GOLGA1: variants seen among roughly 807,000 people sequenced by gnomAD.
GOLGA1 encodes golgin subfamily A member 1.
A neutral mutation model predicts 119.7 loss-of-function variants in GOLGA1; 63 were observed. The ratio of observed to expected loss-of-function variants is 0.53; its 90% CI spans 0.43 to 0.65. The LOEUF (loss-of-function observed/expected upper bound fraction) is 0.65. GOLGA1 is among the 30% of genes least tolerant of loss of function. The probability of loss-of-function intolerance (pLI) is 0.00; values close to 1 mark genes in which losing one functional copy is unlikely to be tolerated. For missense variants in GOLGA1, 798 were observed against 912.8 expected (o/e 0.87, Z 1.62); for synonymous variants, 318 against 333.4 (o/e 0.95, Z 0.50).
At chr9:124,910,919 CTG>C (rs1285842962) in intron 11 of GOLGA1, among the ~76,000 whole-genome samples, 1 of 152,214 alleles carries the variant, frequency 6.6e-6, no homozygotes, top group Non-Finnish European at 1.5e-5. Flanking sequence ...TGTGGAAAAA[CTG>C]TCTTCCACGA....
At position 124,879,159 on chromosome 9, in the gene GOLGA1, T is replaced by C. The variant is rs1829514820; in HGVS notation, c.*1371A>G. ...TTTGGCCCTAAGCATGATTGAGAAA[T>C]ACAACTTTCCATCACTGGATAATGG... On this transcript the variant is annotated 3_prime_UTR_variant, in exon 23 of 23. Transcript: ENST00000373555. The C allele has an allele frequency of 6.6e-6, 1 of 152,242 alleles. No homozygotes were observed. The highest frequency in any genetic ancestry group is 1.5e-5 in the Non-Finnish European group (1 of 68,046). 9.4% of individuals were successfully genotyped at this position (152,242 alleles called of 1,614,324 possible).
intron 15 of GOLGA1, among the ~76,000 whole-genome samples, chr9:124,894,587 C>G (rs995822156): frequency 6.6e-6 from 1 of 152,170 alleles, no homozygotes; most frequent in Admixed American, 6.5e-5. Flanking sequence ...AGCCTACAGA[C>G]TACTAGATAT....
At chr9:124,914,374 G>A (rs1275270338) in intron 10 of GOLGA1, among the ~76,000 whole-genome samples, 12 of 152,136 alleles carry the variant, frequency 7.9e-5, no homozygotes, top group African/African-American at 2.4e-4. Context: ...GGTGGCAGGC[G>A]CCTGTAGTCC....
At chr9:124,935,805 G>T (rs1830854353) in intron 3 of GOLGA1, among the ~76,000 whole-genome samples, 2 of 151,378 alleles carry the variant, frequency 1.3e-5, no homozygotes, top group Admixed American at 6.6e-5. Flanking sequence ...GCCATAATAC[G>T]TGTTGACTGA....
rs1399900352 is a variant in GOLGA1 at position 124,921,165 on chromosome 9, T to G, written c.807A>C (p.Gln269His). The G allele has an allele frequency of 6.2e-7, 1 of 1,612,274 alleles. No individual in the cohort carries two copies. The highest frequency in any genetic ancestry group is 2.2e-5 in the East Asian group (1 of 44,884). Residue 269 changes from glutamine (Q) to histidine (H), a missense_variant, in exon 10 of 23, where the codon CAA becomes CAC. Physicochemically the swap from Gln to His is conservative, Grantham distance 24 (BLOSUM62 0). Coordinates refer to ENST00000373555, the MANE Select transcript of GOLGA1 (RefSeq NM_002077.4). ...TALEQKEQEL[Q>H]ALIQQLSIDL... ...CAATGGAAAGCTGCTGAATGAGTGCTTGGAGCTCTTGTTCCTTTTGTTCCA... is the reference window on the plus strand; with the variant it reads ...CAATGGAAAGCTGCTGAATGAGTGCGTGGAGCTCTTGTTCCTTTTGTTCCA...
intron 3 of GOLGA1, among the ~76,000 whole-genome samples, chr9:124,936,366 C>T (rs1031544786): frequency 1.3e-5 from 2 of 152,166 alleles, no homozygotes; most frequent in East Asian, 3.9e-4. Context: ...CATCTGACAA[C>T]GGAAACAATT....
intron 19 of GOLGA1, among the ~76,000 whole-genome samples, chr9:124,885,694 T>C (rs1829706119): frequency 6.6e-6 from 1 of 151,886 alleles, no homozygotes; most frequent in Non-Finnish European, 1.5e-5. Flanking sequence ...TGGAGGGTAC[T>C]TGATGGGAGT....
chr9:124,889,491 G>A lies in GOLGA1; in HGVS notation c.1543C>T (p.Arg515Trp), dbSNP rs182309185. The change falls in exon 17 of 23, where the codon CGG becomes TGG. Residue 515 changes from arginine (R) to tryptophan (W), a missense_variant. Coordinates refer to ENST00000373555, the MANE Select transcript of GOLGA1 (RefSeq NM_002077.4). ...TGGAGAAGCACTTCGGTTTTTTCCC[G>A]CAGATTCTGTTCCTTCTCGTCTATT... Reference protein sequence around the residue: ...AIIDEKEQNLREKTEVLLQKE... With the variant: ...AIIDEKEQNLWEKTEVLLQKE... The A allele has an allele frequency of 5.5e-5, 89 of 1,613,724 alleles. No homozygotes were observed. Among genetic ancestry groups the A allele is most frequent in the Middle Eastern group, 5.0e-4 (3 of 6,058 alleles).
chr9:124,947,105 T>C (rs910446897), intron 1 of GOLGA1: 4 of 152,206 alleles, frequency 2.6e-5, no homozygotes, highest in Admixed American at 2.6e-4. Flanking sequence ...AAATTCAGTA[T>C]GAGGCATAAA....
At chr9:124,897,164 G>A (rs1245663223) in intron 15 of GOLGA1, among the ~76,000 whole-genome samples, 1 of 152,048 alleles carries the variant, frequency 6.6e-6, no homozygotes, top group South Asian at 2.1e-4. Context: ...CAGCATCAAA[G>A]CCTTCCCTAA....
intron 20 of GOLGA1, 46 bp downstream of exon 20, chr9:124,882,464 A>AG: frequency 1.4e-6 from 2 of 1,416,044 alleles, no homozygotes; most frequent in Non-Finnish European, 2.0e-6. Flanking sequence ...CACAGGCAGC[A>AG]GGGGGAGTGC....
intron 15 of GOLGA1, among the ~76,000 whole-genome samples, chr9:124,894,861 C>A (rs1306241645): frequency 6.6e-6 from 1 of 152,124 alleles, no homozygotes; most frequent in African/African-American, 2.4e-5. Flanking sequence ...GCAAATACAA[C>A]AAAGAACTTC....
intron 10 of GOLGA1, among the ~76,000 whole-genome samples, chr9:124,917,584 T>A (rs1588084701): frequency 6.6e-6 from 1 of 152,200 alleles, no homozygotes; most frequent in Admixed American, 6.5e-5. Flanking sequence ...CATCTTACGG[T>A]CGAACAACTG....
chr9:124,895,610 A>T (rs1240804900), intron 15 of GOLGA1, among the ~76,000 whole-genome samples: 1 of 148,814 alleles, frequency 6.7e-6, no homozygotes, highest in African/African-American at 2.5e-5. Flanking sequence ...CACGACAGAG[A>T]GCCTCCACGA....
rs886200566 is a variant in GOLGA1 at position 124,946,590 on chromosome 9, AAT to A, written c.-156+1326_-156+1327del. On this transcript the variant is annotated intron_variant, in intron 1 of 4. Transcript: ENST00000421514. The surrounding 1 kb of genome is among the most constrained non-coding windows in gnomAD (Gnocchi z 4.0). The stretch of plus-strand genomic sequence containing the variant: ...TCTCCTACACTCTTTCATGCAAATA[AAT>A]ATGTCAACTGAAGTAACCAAACATT... 4 of 152,220 alleles carry A rather than the reference AAT, an allele frequency of 2.6e-5. No individual in the cohort carries two copies. The highest frequency in any genetic ancestry group is 9.6e-5 in the African/African-American group (4 of 41,466). 9.4% of individuals were successfully genotyped at this position (152,220 alleles called of 1,614,324 possible). A position where few individuals can be genotyped will look rare whatever the true frequency, so the allele number is the denominator to read the frequency against.
chr9:124,900,507 T>C lies in GOLGA1; in HGVS notation c.1106A>G (p.Gln369Arg). The part of the protein sequence containing the change: ...LEQTLQASEE[Q>R]LQQSKGIVAA... ...CACAATGCCCTTGCTCTGTTGGAGC[T>C]GCTCCTCAGAGGCCTGCAAGGTCTG... Residue 369 changes from glutamine (Q) to arginine (R), a missense_variant, in exon 13 of 23, where the codon CAG becomes CGG. Physicochemically the swap from Gln to Arg is conservative, Grantham distance 43. Transcript: ENST00000373555. 6.2e-7 allele frequency: 1 copy of C among 1,603,844 alleles called. No homozygotes were observed. The highest frequency in any genetic ancestry group is 8.5e-7 in the Non-Finnish European group (1 of 1,170,684).
intron 15 of GOLGA1, among the ~76,000 whole-genome samples, chr9:124,895,712 C>CTCCACAACACAGAACCA (rs1564326890): frequency 1.3e-5 from 2 of 150,624 alleles, no homozygotes; most frequent in Non-Finnish European, 3.0e-5. Flanking sequence ...ACACAGAACC[C>CTCCACAACACAGAACCA]TCCACAACAC....
chr9:124,917,123 G>C lies in GOLGA1; in HGVS notation c.843+4006C>G, dbSNP rs548743494. On this transcript the variant is annotated intron_variant, in intron 10 of 22. Transcript: ENST00000373555. ...GGGAAACTAAAGAAGATAGTTTAGG[G>C]ATAAAACTGACAACATTAGAAAGCA... Among the ~76,000 whole-genome samples the C allele has an allele frequency of 3.3e-5, 5 of 152,118 alleles. No homozygotes were observed. The East Asian group carries it at 9.7e-4, about 29-fold the overall frequency.
At chr9:124,916,092 A>T (rs2131467248) in intron 10 of GOLGA1, among the ~76,000 whole-genome samples, 1 of 149,916 alleles carries the variant, frequency 6.7e-6, no homozygotes, top group East Asian at 2.0e-4. Flanking sequence ...ACAGAGCAAG[A>T]CTGTATCTCT....
Sources: gnomAD v4.1 joint callset for allele counts (sites outside exome capture counted in the v4.1 genomes callset) on GRCh38, gnomAD v4.1.1 for gene constraint, Gnocchi (gnomAD v3.1) non-coding constraint, MANE v1.5 for transcripts, NCBI Gene and HGNC (gene_info 2026-07-23, HGNC 2026-07-21) for gene names.